Variants in MFAP1 observed in about 807,000 individuals in gnomAD.
MFAP1 encodes the protein microfibril associated protein 1.
MFAP1 carries 18 observed loss-of-function variants against 62.2 expected under a neutral mutation model. That is an observed-to-expected ratio of 0.29 (90% CI 0.20 to 0.43). MFAP1 has a LOEUF of 0.43. Among genes scored for constraint, MFAP1 ranks in the 20% least tolerant of loss-of-function variants. The pLI, the probability that MFAP1 is intolerant of heterozygous loss-of-function variation, is 1.00. For synonymous variants in MFAP1, 175 were observed against 180.4 expected, an observed-to-expected ratio of 0.97 and a Z score of 0.24; for missense variants, 355 against 559.7, an observed-to-expected ratio of 0.63 and a Z score of 3.69.
Position 43,813,164 on chromosome 15 carries a change from A to G in MFAP1, c.727-17T>C. The G allele has an allele frequency of 6.2e-6, 10 of 1,614,008 alleles. No individual in the cohort carries two copies. Among genetic ancestry groups the G allele is most frequent in the Non-Finnish European group, 8.5e-6 (10 of 1,179,982 alleles). On this transcript the variant is annotated splice_polypyrimidine_tract_variant and intron_variant, in intron 5 of 8. Coordinates refer to ENST00000267812, the MANE Select transcript of MFAP1 (RefSeq NM_005926.3). ...TTCGACAATCTGGATAGGGAGAACA[A>G]TTCAGCTTGGACTTCCTTACTCTCC...
intron 2 of MFAP1, among the ~76,000 whole-genome samples, chr15:43,815,973 T>TC (rs2087431309): frequency 6.6e-6 from 1 of 152,162 alleles, no homozygotes; most frequent in South Asian, 2.1e-4. Context: ...TAATTCACTT[T>TC]CAACATTAAG....
intron 1 of MFAP1, among the ~76,000 whole-genome samples, chr15:43,822,644 G>A (rs1002065363): frequency 2.0e-5 from 3 of 152,130 alleles, no homozygotes; most frequent in Non-Finnish European, 4.4e-5. Context: ...AAAGTGCTGG[G>A]ATTACAGGCC....
At chr15:43,810,359 C>A (rs2087391161) in intron 6 of MFAP1, among the ~76,000 whole-genome samples, 1 of 142,928 alleles carries the variant, frequency 7.0e-6, no homozygotes, top group Non-Finnish European at 1.5e-5. Flanking sequence ...ATTGCAGTAA[C>A]TTTTTTTTTT....
intron 7 of MFAP1, among the ~76,000 whole-genome samples, chr15:43,808,315 T>C (rs1030945226): frequency 2.0e-5 from 3 of 152,144 alleles, no homozygotes; most frequent in African/African-American, 7.2e-5. Flanking sequence ...AAGCAATCCT[T>C]CCACCTCAGC....
intron 7 of MFAP1, among the ~76,000 whole-genome samples, chr15:43,808,516 CT>C (rs2087379575): frequency 1.3e-5 from 2 of 152,320 alleles, no homozygotes; most frequent in Admixed American, 6.5e-5. Context: ...TTCACATACA[CT>C]TTTCTTATGT....
chr15:43,807,426 G>C (rs2087372914), intron 7 of MFAP1, among the ~76,000 whole-genome samples: 1 of 150,022 alleles, frequency 6.7e-6, no homozygotes, highest in Admixed American at 6.6e-5. Flanking sequence ...TCGGCTCACT[G>C]CAAGTTCCGC....
chr15:43,808,265 G>C (rs2087377918), intron 7 of MFAP1, among the ~76,000 whole-genome samples: 1 of 152,222 alleles, frequency 6.6e-6, no homozygotes. Context: ...CAGTGCAGTG[G>C]CACGATCACG....
intron 1 of MFAP1, among the ~76,000 whole-genome samples, chr15:43,821,465 G>A (rs936153389): frequency 1.7e-4 from 26 of 151,904 alleles, no homozygotes; most frequent in African/African-American, 6.3e-4. Context: ...AAGGAGGGGT[G>A]GGGCATAGTT....
intron 2 of MFAP1, among the ~76,000 whole-genome samples, chr15:43,815,823 G>T (rs1190957038): frequency 2.0e-5 from 3 of 151,944 alleles, no homozygotes; most frequent in Non-Finnish European, 4.4e-5. Context: ...TAGTAGAGAT[G>T]GAGTTTCGCC....
chr15:43,811,709 T>C (rs1423020084), intron 6 of MFAP1, among the ~76,000 whole-genome samples: 1 of 151,782 alleles, frequency 6.6e-6, no homozygotes, highest in African/African-American at 2.4e-5. Flanking sequence ...GTTTTCACCA[T>C]GTTGGCCAAG....
At chr15:43,814,859 CAT>C in intron 3 of MFAP1, 84 bp downstream of exon 3, 2 of 1,563,030 alleles carry the variant, frequency 1.3e-6, no homozygotes, top group Non-Finnish European at 1.7e-6. Context: ...GCAGTGATCT[CAT>C]GTTTTTAAGG....
Position 43,817,372 on chromosome 15 carries a change from G to A in MFAP1, c.156C>T (p.Ser52=), listed in dbSNP as rs768953790. The stretch of plus-strand genomic sequence containing the variant: ...GAAATTCTTCATCCTCCTCATCTGA[G>A]GACTCCATAGGGGCATAGTCTGGCC... ...GKRPDYAPME[S]SDEEDEEFQF... Residue 52 remains serine, a synonymous_variant, in exon 2 of 9, where the codon TCC becomes TCT. Transcript: ENST00000267812. The A allele has an allele frequency of 1.9e-6, 3 of 1,613,944 alleles. No homozygotes were observed. Among genetic ancestry groups the A allele is most frequent in the African/African-American group, 2.7e-5 (2 of 74,860 alleles).
chr15:43,807,450 G>A (rs1322313018), intron 7 of MFAP1, among the ~76,000 whole-genome samples: 4 of 150,724 alleles, frequency 2.7e-5, no homozygotes, highest in African/African-American at 9.8e-5. Context: ...CCAGGTTCAC[G>A]CCATTCTCCT....
chr15:43,819,506 A>C (rs1442925722), intron 1 of MFAP1, among the ~76,000 whole-genome samples: 1 of 152,054 alleles, frequency 6.6e-6, no homozygotes, highest in East Asian at 1.9e-4. Context: ...CTTAATGATA[A>C]AACAATAGAA....
intron 7 of MFAP1, among the ~76,000 whole-genome samples, chr15:43,805,674 G>A (rs772920830): frequency 4.6e-5 from 7 of 151,644 alleles, no homozygotes; most frequent in East Asian, 1.9e-4. Flanking sequence ...GTGCACTGCC[G>A]CGATCTTGGC....
chr15:43,818,827 G>A (rs1320703133), intron 1 of MFAP1, among the ~76,000 whole-genome samples: 1 of 152,170 alleles, frequency 6.6e-6, no homozygotes, highest in Non-Finnish European at 1.5e-5. Context: ...GGTTGAGGCT[G>A]CGGCAAGCCA....
At position 43,804,931 on chromosome 15, in the gene MFAP1, C is replaced by T; in HGVS notation, c.*163G>A. 1 of 735,954 alleles carries T rather than the reference C, an allele frequency of 1.4e-6. No individual in the cohort carries two copies. Among genetic ancestry groups the T allele is most frequent in the Non-Finnish European group, 2.1e-6 (1 of 465,862 alleles). 45.6% of individuals were successfully genotyped at this position (735,954 alleles called of 1,614,324 possible). Reference sequence around the variant, plus strand: ...TGGGTTTCTCAGCATGAGTCCAAACCTCACAAAGCACCTTCAAAGTCTGGG... The same window carrying T: ...TGGGTTTCTCAGCATGAGTCCAAACTTCACAAAGCACCTTCAAAGTCTGGG... On this transcript the variant is annotated 3_prime_UTR_variant, in exon 9 of 9. Transcript: ENST00000267812.
At position 43,813,315 on chromosome 15, in the gene MFAP1, C is replaced by T. The variant is rs1448887432; in HGVS notation, c.660G>A (p.Leu220=). 6.2e-7 allele frequency: 1 copy of T among 1,611,430 alleles called. No homozygotes were observed. The highest frequency in any genetic ancestry group is 1.1e-5 in the South Asian group (1 of 90,814). ...VTVQEREAEA[L]KQKELEQEAK... Reference sequence around the variant, plus strand: ...CTTCCTGCTCCAGCTCCTTCTGTTTCAATGCTTCGGCTTCACGTTCTTGAA... The same window carrying T: ...CTTCCTGCTCCAGCTCCTTCTGTTTTAATGCTTCGGCTTCACGTTCTTGAA... Residue 220 remains leucine (L), a synonymous_variant, in exon 5 of 9, where the codon TTG becomes TTA. Coordinates refer to ENST00000267812, the MANE Select transcript of MFAP1 (RefSeq NM_005926.3).
intron 2 of MFAP1, among the ~76,000 whole-genome samples, chr15:43,816,883 A>C (rs2087437104): frequency 6.6e-6 from 1 of 152,232 alleles, no homozygotes; most frequent in Non-Finnish European, 1.5e-5. Context: ...ACCAAAGTTT[A>C]TAAAACATCT....
Sources: gnomAD v4.1 joint callset for allele counts (sites outside exome capture counted in the v4.1 genomes callset) on GRCh38, gnomAD v4.1.1 for gene constraint, MANE v1.5 for transcripts, NCBI Gene and HGNC (gene_info 2026-07-23, HGNC 2026-07-21) for gene names.